The following PROM1 variants were observed in gnomAD, a reference collection of about 807,000 sequenced individuals.
The protein encoded by PROM1 is prominin-1.
In PROM1, 105 loss-of-function variants were observed where a neutral mutation model predicts 116.9. The ratio of observed to expected loss-of-function variants is 0.90; its 90% CI spans 0.77 to 1.06. The LOEUF is 1.06. PROM1 is among the 50% of genes least tolerant of loss of function. PROM1 has a pLI of 0.00. For missense variants in PROM1, 1,122 were observed against 1,045.2 expected (o/e 1.07, Z -1.01); for synonymous variants, 393 against 387.0 (o/e 1.02, Z -0.18).
intron 10 of PROM1, among the ~76,000 whole-genome samples, chr4:16,014,605 T>C (rs554613364): frequency 1.3e-5 from 2 of 152,216 alleles, no homozygotes; most frequent in Admixed American, 6.5e-5. Context: ...AATCAGAACC[T>C]GATGATGACA....
intron 2 of PROM1, among the ~76,000 whole-genome samples, chr4:16,057,422 A>C (rs1169831085): frequency 6.6e-6 from 1 of 152,256 alleles, no homozygotes; most frequent in South Asian, 2.1e-4. Context: ...TCAAATCATA[A>C]TTCGGGAACT....
chr4:16,071,700 C>T (rs1422024428), intron 2 of PROM1, among the ~76,000 whole-genome samples: 1 of 152,216 alleles, frequency 6.6e-6, no homozygotes, highest in African/African-American at 2.4e-5. Context: ...CTTCCCTAGA[C>T]AGCAAATCTG....
chr4:15,970,453 G>A (rs900783157), intron 27 of PROM1, among the ~76,000 whole-genome samples: 15 of 151,672 alleles, frequency 9.9e-5, no homozygotes, highest in Non-Finnish European at 1.2e-4. Flanking sequence ...GATTACAGGC[G>A]TGAGCCACCG....
intron 3 of PROM1, among the ~76,000 whole-genome samples, chr4:16,037,500 G>A (rs931384717): frequency 6.6e-5 from 10 of 152,064 alleles, no homozygotes; most frequent in African/African-American, 2.2e-4. Context: ...AATATGATGA[G>A]GCCATTTGTA....
chr4:15,982,758 C>T (rs3796854), intron 23 of PROM1, among the ~76,000 whole-genome samples: 49,607 of 151,984 alleles, frequency 0.33, 8,719 homozygotes, highest in Non-Finnish European at 0.4. Flanking sequence ...AAGGCTTCAG[C>T]CAAAGCTGGC....
chr4:16,031,627 G>C (rs1237317741), intron 5 of PROM1, among the ~76,000 whole-genome samples: 1 of 152,068 alleles, frequency 6.6e-6, no homozygotes, highest in East Asian at 1.9e-4. Flanking sequence ...GAAAAATACA[G>C]AGAGGCAAGG....
chr4:16,027,041 G>A (rs1276936179), intron 5 of PROM1, among the ~76,000 whole-genome samples: 1 of 152,154 alleles, frequency 6.6e-6, no homozygotes, highest in East Asian at 1.9e-4. Context: ...TGCTTCTCAA[G>A]CTGTAAAGGA....
chr4:15,974,639 T>A (rs1005822225), intron 26 of PROM1, among the ~76,000 whole-genome samples: 1 of 152,174 alleles, frequency 6.6e-6, no homozygotes, highest in African/African-American at 2.4e-5. Flanking sequence ...TTAAATAATT[T>A]TTTTTTTCAT....
intron 17 of PROM1, among the ~76,000 whole-genome samples, 174 bp from the exon 18 acceptor site, chr4:15,991,467 T>C (rs182258552): frequency 4.6e-5 from 7 of 152,280 alleles, no homozygotes; most frequent in Admixed American, 4.6e-4. Context: ...TATAAAGCCA[T>C]ATTTTTATTC....
rs794726926 is a variant in PROM1 at position 16,075,811 on chromosome 4, C to A, written c.96G>T (p.Trp32Cys). 7 of 1,613,726 alleles carry A rather than the reference C, an allele frequency of 4.3e-6. No individual in the cohort carries two copies. The highest frequency in any genetic ancestry group is 2.2e-5 in the East Asian group (1 of 44,872). The change falls in exon 2 of 28, where the codon TGG becomes TGT. Residue 32 changes from tryptophan (W) to cysteine (C), a missense_variant. Coordinates refer to ENST00000447510, the MANE Select transcript of PROM1 (RefSeq NM_006017.3). ...AATTTGTTGCAGGCAATTCATAATTCCAAGCCTTAGGAGCATCTGTGGATG... is the reference window on the plus strand; with the variant it reads ...AATTTGTTGCAGGCAATTCATAATTACAAGCCTTAGGAGCATCTGTGGATG... ...QPSSTDAPKA[W>C]NYELPATNYE...
chr4:16,057,903 C>T (rs1384304582), intron 2 of PROM1, among the ~76,000 whole-genome samples: 1 of 152,206 alleles, frequency 6.6e-6, no homozygotes, highest in African/African-American at 2.4e-5. Flanking sequence ...TCATTCCTTA[C>T]CTGTTTGCTG....
At chr4:16,000,297 T>G (rs1017822213) in intron 14 of PROM1, among the ~76,000 whole-genome samples, 199 bp downstream of exon 14, 9 of 152,236 alleles carry the variant, frequency 5.9e-5, no homozygotes, top group South Asian at 2.1e-4. Context: ...CCATATTTTT[T>G]TTTCTCTTAC....
chr4:16,056,950 A>T (rs545364304), intron 2 of PROM1, among the ~76,000 whole-genome samples: 2 of 152,348 alleles, frequency 1.3e-5, no homozygotes, highest in African/African-American at 4.8e-5. Flanking sequence ...ACACGAGAGC[A>T]TGCGATTTCC....
intron 11 of PROM1, 146 bp downstream of exon 11, chr4:16,013,129 A>G: frequency 1.5e-6 from 1 of 656,250 alleles, no homozygotes; most frequent in Non-Finnish European, 2.6e-6. Flanking sequence ...GAATGACACA[A>G]TTGTAAAGCT....
At chr4:16,004,869 C>T (rs113907789) in intron 13 of PROM1, among the ~76,000 whole-genome samples, 17,850 of 135,492 alleles carry the variant, frequency 0.13, 1,438 homozygotes, top group Non-Finnish European at 0.18. Context: ...TCCTCTCTCT[C>T]TCCCTCTCTC....
chr4:16,013,157 T>C (rs1423259823), intron 11 of PROM1, 118 bp downstream of exon 11: 1 of 799,002 alleles, frequency 1.3e-6, no homozygotes, highest in East Asian at 2.5e-5. Flanking sequence ...TTGTTTAGTT[T>C]TGACAGCTTT....
rs191763559 is a variant in PROM1 at position 16,057,776 on chromosome 4, G to A, written c.220+17911C>T. Among the ~76,000 whole-genome samples, 372 of 152,118 alleles carry A rather than the reference G, an allele frequency of 2.4e-3. 2 individuals are homozygous for A. The highest frequency in any genetic ancestry group is 2.8e-3 in the Non-Finnish European group (189 of 68,008). On this transcript the variant is annotated intron_variant, in intron 2 of 27. Transcript: ENST00000447510. ...TTTACAGAGATACATATAGAATTAC[G>A]ATAACATAAATAAGAAGAAAGAAAA...
intron 2 of PROM1, among the ~76,000 whole-genome samples, chr4:16,069,451 T>C (rs1183441166): frequency 6.6e-6 from 1 of 152,204 alleles, no homozygotes; most frequent in African/African-American, 2.4e-5. Context: ...AATGCATACT[T>C]TTAACGTGCA....
chr4:15,981,398 G>A (rs995615031), intron 23 of PROM1, among the ~76,000 whole-genome samples: 18 of 151,638 alleles, frequency 1.2e-4, no homozygotes, highest in South Asian at 2.1e-4. Flanking sequence ...GTGAAACCCC[G>A]TCTCTACTAA....
Sources: allele counts gnomAD v4.1 joint callset (sites outside exome capture counted in the v4.1 genomes callset), GRCh38; gene constraint gnomAD v4.1.1; transcripts MANE v1.5; gene names NCBI Gene and HGNC (gene_info 2026-07-23, HGNC 2026-07-21).